EPHA3: variants seen among roughly 807,000 people sequenced by gnomAD.
The protein encoded by EPHA3 is EPH receptor A3.
Under a neutral mutation model 107.1 loss-of-function variants are expected in EPHA3, and 42 were observed. The observed-to-expected ratio is 0.39, with a 90% CI of 0.31 to 0.51. The LOEUF (loss-of-function observed/expected upper bound fraction) is 0.51. Ranked by LOEUF, EPHA3 falls within the 20% of genes least tolerant of loss-of-function variation. The pLI, the probability that EPHA3 is intolerant of heterozygous loss-of-function variation, is 0.78. For missense variants in EPHA3, 1,183 were observed against 1,211.2 expected (o/e 0.98, Z 0.35); for synonymous variants, 461 against 424.8 (o/e 1.09, Z -1.05).
intron 3 of EPHA3, among the ~76,000 whole-genome samples, chr3:89,259,272 C>T (rs796645125): frequency 2.2e-4 from 33 of 152,296 alleles, no homozygotes; most frequent in African/African-American, 7.7e-4. Flanking sequence ...ACAGGCCATC[C>T]TTGGGGCTCT....
intron 2 of EPHA3, among the ~76,000 whole-genome samples, chr3:89,180,284 C>T (rs1705412468): frequency 6.6e-6 from 1 of 151,148 alleles, no homozygotes; most frequent in Admixed American, 6.6e-5. Flanking sequence ...AGGCATTGTC[C>T]TTTATGCAAT....
Position 89,479,589 on chromosome 3 carries a change from A to G in EPHA3, c.*87A>G, listed in dbSNP as rs564578626. The G allele has an allele frequency of 5.8e-6, 6 of 1,035,532 alleles. No homozygotes were observed. The highest frequency in any genetic ancestry group is 3.1e-5 in the African/African-American group (2 of 63,608). 64.1% of individuals were successfully genotyped at this position (1,035,532 alleles called of 1,614,324 possible). A position where few individuals can be genotyped will look rare whatever the true frequency, so the allele number is the denominator to read the frequency against. On this transcript the variant is annotated 3_prime_UTR_variant, in exon 17 of 17. Coordinates refer to ENST00000336596, the MANE Select transcript of EPHA3 (RefSeq NM_005233.6). ...GCAGACAGACAATAATTCTGGAGAT[A>G]CTGGTGGAAGTTCCAAGTCCAATAA...
chr3:89,239,318 A>G (rs1704840357), intron 3 of EPHA3, among the ~76,000 whole-genome samples: 1 of 152,204 alleles, frequency 6.6e-6, no homozygotes, highest in African/African-American at 2.4e-5. Context: ...ATATTTCACC[A>G]GTGATTTCAT....
intron 3 of EPHA3, among the ~76,000 whole-genome samples, chr3:89,242,820 T>C (rs1018520712): frequency 1.3e-5 from 2 of 152,008 alleles, no homozygotes; most frequent in African/African-American, 4.8e-5. Flanking sequence ...TAGTTACATA[T>C]GTATACATGT....
chr3:89,461,289 G>A (rs1439759033), intron 15 of EPHA3, among the ~76,000 whole-genome samples: 4 of 102,934 alleles, frequency 3.9e-5, no homozygotes, highest in African/African-American at 1.4e-4. Context: ...ATAAACATAC[G>A]TGTGCATGTG....
chr3:89,109,521 T>G (rs1341524424), intron 1 of EPHA3, among the ~76,000 whole-genome samples: 2 of 151,958 alleles, frequency 1.3e-5, no homozygotes, highest in African/African-American at 4.8e-5. Flanking sequence ...TATTACTGAA[T>G]TAATTATGCA....
At chr3:89,386,164 T>G (rs59284753) in intron 5 of EPHA3, among the ~76,000 whole-genome samples, 2,327 of 149,286 alleles carry the variant, frequency 0.016, 42 homozygotes, top group African/African-American at 0.057. Context: ...CTCATTTTGG[T>G]GGGGGAGAAA....
At chr3:89,404,959 G>A (rs1286375525) in intron 7 of EPHA3, among the ~76,000 whole-genome samples, 3 of 152,134 alleles carry the variant, frequency 2.0e-5, no homozygotes, top group Non-Finnish European at 4.4e-5. Context: ...ATTGGATTAA[G>A]CTATTTCACA....
intron 3 of EPHA3, among the ~76,000 whole-genome samples, chr3:89,246,174 T>C (rs1705029205): frequency 6.6e-6 from 1 of 152,214 alleles, no homozygotes; most frequent in Admixed American, 6.5e-5. Context: ...TTCTGCATTT[T>C]AGATTATGTG....
chr3:89,397,854 A>G (rs1708881829), intron 6 of EPHA3, among the ~76,000 whole-genome samples: 1 of 152,206 alleles, frequency 6.6e-6, no homozygotes, highest in Non-Finnish European at 1.5e-5. Flanking sequence ...AAGTGCTGGG[A>G]TTACAGGCGT....
chr3:89,466,515 G>A (rs1710278685), intron 15 of EPHA3, among the ~76,000 whole-genome samples: 1 of 134,108 alleles, frequency 7.5e-6, no homozygotes. Flanking sequence ...CGAGCCAGGT[G>A]TGGGATATAG....
At chr3:89,146,194 G>T (rs1704554568) in intron 2 of EPHA3, among the ~76,000 whole-genome samples, 2 of 151,820 alleles carry the variant, frequency 1.3e-5, no homozygotes, top group Admixed American at 1.3e-4. Flanking sequence ...TTTCTCCAGG[G>T]TATCCTCCAT....
intron 13 of EPHA3, among the ~76,000 whole-genome samples, chr3:89,447,715 A>G (rs1227739804): frequency 1.3e-5 from 2 of 152,158 alleles, no homozygotes; most frequent in African/African-American, 4.8e-5. Flanking sequence ...AGTCCTTACT[A>G]TGTCCTAGGA....
chr3:89,343,627 ATGTATCTTTCTGATTCTAAATTTCTCTTT>A (rs1707582587), intron 5 of EPHA3, among the ~76,000 whole-genome samples: 1 of 152,214 alleles, frequency 6.6e-6, no homozygotes, highest in African/African-American at 2.4e-5. Context: ...ATATTCAAAT[ATGTATCTTTCTGATTCTAAATTTCTCTTT>A]CGTTTCCACT....
chr3:89,155,099 A>C (rs1704770134), intron 2 of EPHA3, among the ~76,000 whole-genome samples: 1 of 151,636 alleles, frequency 6.6e-6, no homozygotes, highest in Admixed American at 6.6e-5. Context: ...TAAATATAGA[A>C]AGATGAATAT....
chr3:89,411,909 C>G lies in EPHA3; in HGVS notation c.1763-1232C>G, dbSNP rs146801796. On this transcript the variant is annotated intron_variant, in intron 9 of 16. Transcript: ENST00000336596. ...GAAGTAATATTGGAAACAGTAATAT[C>G]TGATTTCATTTGTTATAATTTAATG... Among the ~76,000 whole-genome samples, 17 of 152,016 alleles carry G rather than the reference C, an allele frequency of 1.1e-4. No individual in the cohort carries two copies. In the East Asian group the frequency reaches 3.3e-3, roughly 29 times the overall value.
intron 7 of EPHA3, among the ~76,000 whole-genome samples, chr3:89,400,543 T>C (rs1411204004): frequency 1.3e-5 from 2 of 152,016 alleles, no homozygotes; most frequent in African/African-American, 4.8e-5. Flanking sequence ...GCTGTTTAAC[T>C]CATTAATTAA....
rs537050691 is a variant in EPHA3 at position 89,169,851 on chromosome 3, A to G, written c.154-40009A>G. The stretch of plus-strand genomic sequence containing the variant: ...CATATTTTCTGATAGTAGAAATTGC[A>G]GCATTCAATCTACTTTACCTGAAGC... On this transcript the variant is annotated intron_variant, in intron 2 of 16. Coordinates refer to ENST00000336596, the MANE Select transcript of EPHA3 (RefSeq NM_005233.6). 1.9e-4 allele frequency among the ~76,000 whole-genome samples: 29 copies of G among 152,314 alleles called. 1 individual carries two copies. The South Asian group carries it at 5.6e-3, about 29-fold the overall frequency.
chr3:89,136,800 A>C (rs1704325061), intron 2 of EPHA3, among the ~76,000 whole-genome samples: 1 of 151,878 alleles, frequency 6.6e-6, no homozygotes, highest in Non-Finnish European at 1.5e-5. Flanking sequence ...AATAATTTTC[A>C]TTTCTATTTT....
Sources: gnomAD v4.1 joint callset for allele counts (sites outside exome capture counted in the v4.1 genomes callset) on GRCh38, gnomAD v4.1.1 for gene constraint, MANE v1.5 for transcripts, NCBI Gene and HGNC (gene_info 2026-07-23, HGNC 2026-07-21) for gene names.